The following NECTIN1 variants were observed in gnomAD, a reference collection of about 807,000 sequenced individuals.
NECTIN1 encodes the protein nectin-1.
NECTIN1 carries 23 observed loss-of-function variants against 48.0 expected under a neutral mutation model. The observed-to-expected ratio is 0.48, with a 90% CI of 0.34 to 0.68. The LOEUF (loss-of-function observed/expected upper bound fraction) is 0.68. Among genes scored for constraint, NECTIN1 ranks in the 30% least tolerant of loss-of-function variants. The probability of loss-of-function intolerance (pLI) is 0.01; values close to 1 mark genes in which losing one functional copy is unlikely to be tolerated. For synonymous variants in NECTIN1, 270 were observed against 288.9 expected, an observed-to-expected ratio of 0.93 and a Z score of 0.66; for missense variants, 591 against 709.9, an observed-to-expected ratio of 0.83 and a Z score of 1.90.
chr11:119,717,032 T>C (rs1455726075), intron 1 of NECTIN1, among the ~76,000 whole-genome samples: 1 of 152,170 alleles, frequency 6.6e-6, no homozygotes, highest in Non-Finnish European at 1.5e-5. Context: ...CTAGCAGTAA[T>C]GGAGTGATGG....
downstream of NECTIN1, chr11:119,656,237 G>A (rs2135535692): frequency 6.6e-6 from 1 of 152,250 alleles, no homozygotes. Flanking sequence ...GTTCAATTTG[G>A]TTCAGCCTCT....
intron 1 of NECTIN1, among the ~76,000 whole-genome samples, chr11:119,698,398 C>T (rs1191783422): frequency 1.3e-5 from 2 of 152,262 alleles, no homozygotes; most frequent in East Asian, 3.8e-4. Context: ...ACCATTTCCC[C>T]CTGGGAAACT....
At chr11:119,698,741 C>T (rs769802570) in intron 1 of NECTIN1, among the ~76,000 whole-genome samples, 12 of 152,194 alleles carry the variant, frequency 7.9e-5, no homozygotes, top group Admixed American at 2.0e-4. Context: ...AGTAAAATAA[C>T]GTATGTACAT....
chr11:119,680,577 C>T (rs181056421), intron 1 of NECTIN1, among the ~76,000 whole-genome samples: 185 of 152,362 alleles, frequency 1.2e-3, no homozygotes, highest in South Asian at 1.4e-3. Context: ...CTCTCTTCCG[C>T]TCGAGAGGCC....
chr11:119,660,640 G>A (rs1169503972), downstream of NECTIN1, among the ~76,000 whole-genome samples: 3 of 152,070 alleles, frequency 2.0e-5, no homozygotes, highest in East Asian at 1.9e-4. Context: ...GGAGGCACCC[G>A]TACCCCTAGG....
At chr11:119,639,835 G>C (rs776755803) in intron 6 of NECTIN1, 2 of 1,613,900 alleles carry the variant, frequency 1.2e-6, no homozygotes, top group African/African-American at 1.3e-5. Context: ...ACCAGTGGGA[G>C]TTTAGTGGGC....
intron 1 of NECTIN1, among the ~76,000 whole-genome samples, chr11:119,682,135 G>T (rs549520164): frequency 6.6e-6 from 1 of 152,184 alleles, no homozygotes; most frequent in African/African-American, 2.4e-5. Flanking sequence ...AAGGACTCAG[G>T]GTTGGGGAGA....
In NECTIN1 at chr11:119,663,554, C is replaced by A; in HGVS notation, c.*1193G>T. Reference sequence around the variant, plus strand: ...CTTTGTGTGTGAGGCATTGTATGGACTCCTCAGTCCCTCGGACTGTGTTTG... The same window carrying A: ...CTTTGTGTGTGAGGCATTGTATGGAATCCTCAGTCCCTCGGACTGTGTTTG... On this transcript the variant is annotated 3_prime_UTR_variant, in exon 6 of 6. Transcript: ENST00000264025. 1 of 985,534 alleles carries A rather than the reference C, an allele frequency of 1.0e-6. No homozygotes were observed. The highest frequency in any genetic ancestry group is 1.2e-6 in the Non-Finnish European group (1 of 829,960). 61.0% of individuals were successfully genotyped at this position (985,534 alleles called of 1,614,324 possible).
Position 119,709,246 on chromosome 11 carries a change from A to G in NECTIN1, c.79+19229T>C, listed in dbSNP as rs1865596328. ...GGGCAGAAAATAACACCGTGAAAAC[A>G]GAACTGTCTGTTCAGAAATAAGAGA... On this transcript the variant is annotated intron_variant, in intron 1 of 5. Coordinates refer to ENST00000264025, the MANE Select transcript of NECTIN1 (RefSeq NM_002855.5). This position sits in a 1 kb window ranked among gnomAD's most constrained non-coding sequence, Gnocchi z 4.1. Among the ~76,000 whole-genome samples the G allele has an allele frequency of 6.6e-6, 1 of 152,160 alleles. No individual in the cohort carries two copies. The highest frequency in any genetic ancestry group is 2.1e-4 in the South Asian group (1 of 4,826).
At chr11:119,649,738 A>G (rs536585256) in intron 5 of NECTIN1, among the ~76,000 whole-genome samples, 2 of 152,318 alleles carry the variant, frequency 1.3e-5, no homozygotes, top group East Asian at 3.9e-4. Flanking sequence ...CAGGAAATAT[A>G]AAAACACGGG....
chr11:119,675,415 TTG>T, intron 4 of NECTIN1, 105 bp from the exon 5 acceptor site: 1 of 1,154,962 alleles, frequency 8.7e-7, no homozygotes, highest in South Asian at 1.2e-5. Context: ...TTTGCTGAGC[TTG>T]TGTGGTAGAG....
At chr11:119,667,201 C>T (rs1864786807) in intron 5 of NECTIN1, among the ~76,000 whole-genome samples, 2 of 152,218 alleles carry the variant, frequency 1.3e-5, no homozygotes, top group Non-Finnish European at 2.9e-5. Flanking sequence ...CAACTGCTCC[C>T]CACGAGATGG....
intron 5 of NECTIN1, chr11:119,674,636 G>A: frequency 6.2e-7 from 1 of 1,614,234 alleles, no homozygotes; most frequent in Admixed American, 1.7e-5. Context: ...GGATAGATAA[G>A]TTGACAGAAA....
chr11:119,686,628 T>C (rs550568789), intron 1 of NECTIN1, among the ~76,000 whole-genome samples: 7 of 152,270 alleles, frequency 4.6e-5, no homozygotes, highest in African/African-American at 1.4e-4. Context: ...CCAACTCTTC[T>C]CTCTCTTCCT....
downstream of NECTIN1, among the ~76,000 whole-genome samples, chr11:119,658,269 T>C (rs1372975071): frequency 6.6e-6 from 1 of 151,940 alleles, no homozygotes; most frequent in Non-Finnish European, 1.5e-5. Flanking sequence ...GAGGCTGGGG[T>C]GAGGACATTG....
intron 5 of NECTIN1, among the ~76,000 whole-genome samples, chr11:119,650,438 A>G (rs558187825): frequency 6.6e-6 from 1 of 152,292 alleles, no homozygotes; most frequent in South Asian, 2.1e-4. Context: ...TGATGACGCC[A>G]TTTGATACCA....
At chr11:119,657,958 A>G (rs1415872455), downstream of NECTIN1, among the ~76,000 whole-genome samples, 4 of 144,782 alleles carry the variant, frequency 2.8e-5, no homozygotes, top group Non-Finnish European at 3.0e-5. Flanking sequence ...CTAGGCCCCA[A>G]TCCCAATCCC....
intron 1 of NECTIN1, among the ~76,000 whole-genome samples, chr11:119,707,888 T>C (rs1233572030): frequency 6.6e-6 from 1 of 152,220 alleles, no homozygotes; most frequent in Non-Finnish European, 1.5e-5. Context: ...ATACAATGTG[T>C]CAAGCATGGT....
rs1864660865 is a variant in NECTIN1 at position 119,661,361 on chromosome 11, TGGCAGCAGCAGA to T, written c.*3374_*3385del. ...ACAAGCTGGGCAGTGTTGGCAGCAG[TGGCAGCAGCAGA>T]GGGGCCTGCCTCCTGGCATCCCCGG... is the stretch of plus-strand genomic sequence containing the variant. On this transcript the variant is annotated 3_prime_UTR_variant, in exon 6 of 6. Coordinates refer to ENST00000264025, the MANE Select transcript of NECTIN1 (RefSeq NM_002855.5). 1 of 986,540 alleles carries T rather than the reference TGGCAGCAGCAGA, an allele frequency of 1.0e-6. No individual in the cohort carries two copies. The highest frequency in any genetic ancestry group is 1.2e-6 in the Non-Finnish European group (1 of 830,516). The allele number at this position is 986,540 out of a possible 1,614,324, so 61.1% of individuals were successfully genotyped here.
Sources: gnomAD v4.1 joint callset for allele counts (sites outside exome capture counted in the v4.1 genomes callset) on GRCh38, gnomAD v4.1.1 for gene constraint, Gnocchi (gnomAD v3.1) non-coding constraint, MANE v1.5 for transcripts, NCBI Gene and HGNC (gene_info 2026-07-23, HGNC 2026-07-21) for gene names.